The following PIK3R2 variants were observed in gnomAD, a reference collection of about 807,000 sequenced individuals.
PIK3R2 encodes phosphoinositide-3-kinase regulatory subunit 2, also known as phosphatidylinositol 3-kinase regulatory subunit beta.
PIK3R2 carries 40 observed loss-of-function variants against 78.5 expected under a neutral mutation model. The observed-to-expected ratio is 0.51, with a 90% confidence interval of 0.40 to 0.66. The LOEUF (loss-of-function observed/expected upper bound fraction) is 0.66, where lower values mean the gene tolerates loss of function less well. PIK3R2 is among the 30% of genes least tolerant of loss of function. The pLI, the probability that PIK3R2 is intolerant of heterozygous loss-of-function variation, is 0.00. For missense variants in PIK3R2, 880 were observed against 1,026.6 expected, an observed-to-expected ratio of 0.86 and a Z score of 1.95; for synonymous variants, 473 against 457.7, an observed-to-expected ratio of 1.03 and a Z score of -0.43.
rs1166148208 is a variant in PIK3R2 at position 18,169,566 on chromosome 19, G to C, written c.*272G>C. 3.3e-6 allele frequency: 1 copy of C among 307,652 alleles called. No homozygotes were observed. The highest frequency in any genetic ancestry group is 6.0e-6 in the Non-Finnish European group (1 of 166,122). 19.1% of individuals were successfully genotyped at this position (307,652 alleles called of 1,614,324 possible). On this transcript the variant is annotated 3_prime_UTR_variant, in exon 16 of 16. Transcript: ENST00000222254. ...CCCACCCCATATCTACGTGTCCTCC[G>C]GGCATTGCCCTCTCCATGGCTCTGG... is the stretch of plus-strand genomic sequence containing the variant.
In PIK3R2 at chr19:18,162,297, G is replaced by A. The variant is rs1357868461; in HGVS notation, c.997G>A (p.Gly333Arg). 1 of 1,607,872 alleles carries A rather than the reference G, an allele frequency of 6.2e-7. No individual in the cohort carries two copies. The highest frequency in any genetic ancestry group is 1.3e-5 in the African/African-American group (1 of 74,808). The change falls in exon 8 of 16, where the codon GGG becomes AGG. Residue 333 changes from glycine (G) to arginine (R), a missense_variant. Transcript: ENST00000222254. Reference protein sequence around the residue: ...PSLQDAEWYWGDISREEVNEK... With the variant: ...PSLQDAEWYWRDISREEVNEK... ...CCTGCAGGATGCTGAGTGGTACTGG[G>A]GGGACATTTCAAGGTAGGTTGCTGG...
rs754971694 is a variant in PIK3R2, at chr19:18,163,145, C to G, written c.1288C>G (p.Gln430Glu). Residue 430 changes from glutamine to glutamate, a missense_variant and splice_region_variant, in exon 10 of 16, where the codon CAG (glutamine) becomes GAG (glutamate). Around this residue, in one of 3 missense-constraint regions of PIK3R2, gnomAD observed 156 missense variants for 241.0 expected, o/e 0.65. Transcript: ENST00000222254. ...CCTCTACCCTGTGTCCAAATACCAG[C>G]AGGTCCGTGCTGGCCTGGGAGCCAG... Reference protein sequence around the residue: ...RLLYPVSKYQQDQIVKEDSVE... With the variant: ...RLLYPVSKYQEDQIVKEDSVE... 17 of 1,613,880 alleles carry G rather than the reference C, an allele frequency of 1.1e-5. No individual in the cohort carries two copies. The Admixed American group carries it at 1.3e-4, about 13-fold the overall frequency.
At position 18,163,283 on chromosome 19, in the gene PIK3R2, C is replaced by G. The variant is rs757978097; in HGVS notation, c.1311C>G (p.Asp437Glu). ...TCCAGGACCAGATTGTCAAGGAGGA[C>G]AGCGTGGAGGCAGTGGGCGCCCAGC... ...KYQQDQIVKE[D>E]SVEAVGAQLK... Residue 437 changes from aspartate (D) to glutamate (E), a missense_variant, in exon 11 of 16, where the codon GAC becomes GAG. Physicochemically the swap from Asp to Glu is conservative, Grantham distance 45. Coordinates refer to ENST00000222254, the MANE Select transcript of PIK3R2 (RefSeq NM_005027.4). 1.2e-6 allele frequency: 2 copies of G among 1,614,140 alleles called. No homozygotes were observed. The highest frequency in any genetic ancestry group is 2.2e-5 in the South Asian group (2 of 91,076).
chr19:18,156,546 A>C lies in PIK3R2; in HGVS notation c.322+345A>C, dbSNP rs1267078186. On this transcript the variant is annotated intron_variant, in intron 2 of 15. Transcript: ENST00000222254. This position sits in a 1 kb window ranked among gnomAD's most constrained non-coding sequence, Gnocchi z 4.2. Reference sequence around the variant, plus strand: ...AATGGCGGGAACGGCCAGCAGGAGGACCAGAGGGAGGAAGGGGAGGGCAAT... The same window carrying C: ...AATGGCGGGAACGGCCAGCAGGAGGCCCAGAGGGAGGAAGGGGAGGGCAAT... 1.3e-5 allele frequency among the ~76,000 whole-genome samples: 2 copies of C among 152,076 alleles called. No homozygotes were observed. The highest frequency in any genetic ancestry group is 2.9e-5 in the Non-Finnish European group (2 of 68,014).
chr19:18,160,455 C>T lies in PIK3R2; in HGVS notation c.323-16C>T, dbSNP rs1568635215. ...GGAACCCCACCAACATGCAACCCCC[C>T]TGTTTCCCCCACCAGGCCTCACACT... On this transcript the variant is annotated splice_polypyrimidine_tract_variant and intron_variant, in intron 2 of 15. Coordinates refer to ENST00000222254, the MANE Select transcript of PIK3R2 (RefSeq NM_005027.4). 2.6e-6 allele frequency: 4 copies of T among 1,524,140 alleles called. No individual in the cohort carries two copies. Among genetic ancestry groups the T allele is most frequent in the Middle Eastern group, 1.7e-4 (1 of 5,914 alleles). The allele number at this position is 1,524,140 out of a possible 1,614,324, so 94.4% of individuals were successfully genotyped here.
At position 18,161,133 on chromosome 19, in the gene PIK3R2, C is replaced by G; in HGVS notation, c.546C>G (p.Pro182=). 1 of 1,560,152 alleles carries G rather than the reference C, an allele frequency of 6.4e-7. No homozygotes were observed. Among genetic ancestry groups the G allele is most frequent in the Non-Finnish European group, 8.7e-7 (1 of 1,153,004 alleles). ...TTAAGAGCTTCCTGCTGGCACTGCCCGCGCCGCTCGTGACCCCCGAGGCCT... is the reference window on the plus strand; with the variant it reads ...TTAAGAGCTTCCTGCTGGCACTGCCGGCGCCGCTCGTGACCCCCGAGGCCT... ...DGIKSFLLAL[P]APLVTPEASA... Residue 182 remains proline, a synonymous_variant, in exon 5 of 16, where the codon CCC becomes CCG. Transcript: ENST00000222254. The surrounding 1 kb of genome is among the most constrained non-coding windows in gnomAD (Gnocchi z 5.3).
In PIK3R2 at chr19:18,168,555, C is replaced by T. The variant is rs1188840367; in HGVS notation, c.1808+9C>T. On this transcript the variant is annotated intron_variant, in intron 14 of 15. Transcript: ENST00000222254. The surrounding 1 kb of genome is among the most constrained non-coding windows in gnomAD (Gnocchi z 4.1). ...AAAAATGAGACTGAGGAGTGAGTGA[C>T]CGTCTGGAGGGAGGCAGGGAGGGCT... 1.3e-6 allele frequency: 1 copy of T among 781,756 alleles called. No individual in the cohort carries two copies. Among genetic ancestry groups the T allele is most frequent in the Non-Finnish European group, 2.4e-6 (1 of 419,486 alleles). 48.4% of individuals were successfully genotyped at this position (781,756 alleles called of 1,614,324 possible). A position where few individuals can be genotyped will look rare whatever the true frequency, so the allele number is the denominator to read the frequency against.
Position 18,155,782 on chromosome 19 carries a change from C to T in PIK3R2, c.-98C>T. ...AGATAGAGGTCCCAGCACCCCAAGC[C>T]AACCCAGCGGACCCTCCCAGCCCTG... On this transcript the variant is annotated 5_prime_UTR_variant, in exon 2 of 16. Coordinates refer to ENST00000222254, the MANE Select transcript of PIK3R2 (RefSeq NM_005027.4). The T allele has an allele frequency of 8.6e-7, 1 of 1,168,034 alleles. No individual in the cohort carries two copies. The highest frequency in any genetic ancestry group is 1.2e-6 in the Non-Finnish European group (1 of 855,018). 72.4% of individuals were successfully genotyped at this position (1,168,034 alleles called of 1,614,324 possible).
intron 11 of PIK3R2, among the ~76,000 whole-genome samples, chr19:18,163,677 C>G (rs2043776922): frequency 6.6e-6 from 1 of 152,254 alleles, no homozygotes; most frequent in Non-Finnish European, 1.5e-5. Context: ...TAAAAATTAA[C>G]TGGGTGTCGT....
rs551404945 is a variant in PIK3R2, at chr19:18,167,329, C to T, written c.1736+23C>T. 5.2e-6 allele frequency: 8 copies of T among 1,527,650 alleles called. No individual in the cohort carries two copies. The South Asian group carries it at 1.0e-4, about 19-fold the overall frequency. The allele number at this position is 1,527,650 out of a possible 1,614,324, so 94.6% of individuals were successfully genotyped here. ...CGTGTAAGTGGCGGCTCCATACTTC[C>T]CTGCGGCTCCCTGGCGACTGCTGCG... On this transcript the variant is annotated intron_variant, in intron 13 of 15. Transcript: ENST00000222254. The surrounding 1 kb of genome is among the most constrained non-coding windows in gnomAD (Gnocchi z 4.5).
Position 18,168,217 on chromosome 19 carries a change from T to G in PIK3R2, c.1737-258T>G, listed in dbSNP as rs1292850794. Among the ~76,000 whole-genome samples, 1 of 152,122 alleles carries G rather than the reference T, an allele frequency of 6.6e-6. No homozygotes were observed. The highest frequency in any genetic ancestry group is 1.5e-5 in the Non-Finnish European group (1 of 68,012). Reference sequence around the variant, plus strand: ...TGATGATGAGGGGCCTGGGCTGGCATCTTCTTGGGGGACTCCATAGGCGTT... The same window carrying G: ...TGATGATGAGGGGCCTGGGCTGGCAGCTTCTTGGGGGACTCCATAGGCGTT... On this transcript the variant is annotated intron_variant, in intron 13 of 15. Coordinates refer to ENST00000222254, the MANE Select transcript of PIK3R2 (RefSeq NM_005027.4). This position sits in a 1 kb window ranked among gnomAD's most constrained non-coding sequence, Gnocchi z 4.1.
chr19:18,161,453 C>T lies in PIK3R2; in HGVS notation c.773C>T (p.Pro258Leu), dbSNP rs1255802241. Reference sequence around the variant, plus strand: ...TTTGGGCCGCTGCTGCTGCGCGCGCCGCCGCCGCCGTCCTCGCCGCCGCCA... The same window carrying T: ...TTTGGGCCGCTGCTGCTGCGCGCGCTGCCGCCGCCGTCCTCGCCGCCGCCA... ...ATFGPLLLRA[P>L]PPPSSPPPGG... The change falls in exon 6 of 16, where the codon CCG (proline) becomes CTG (leucine). Residue 258 changes from proline to leucine, a missense_variant. By Grantham distance (98) the Pro-to-Leu change is moderately conservative (BLOSUM62 -3). This residue lies in a region of PIK3R2 where 456 missense variants were observed against 486.6 expected (regional missense o/e 0.94). Coordinates refer to ENST00000222254, the MANE Select transcript of PIK3R2 (RefSeq NM_005027.4). The surrounding 1 kb of genome is among the most constrained non-coding windows in gnomAD (Gnocchi z 5.3). 1.7e-6 allele frequency: 2 copies of T among 1,204,574 alleles called. No individual in the cohort carries two copies. The highest frequency in any genetic ancestry group is 8.0e-5 in the South Asian group (2 of 24,918). The allele number at this position is 1,204,574 out of a possible 1,614,324, so 74.6% of individuals were successfully genotyped here.
In PIK3R2 at chr19:18,161,269, C is replaced by G; in HGVS notation, c.599-10C>G. ...GCCTGGCTCACCCTGCCCTGGCCAT[C>G]TGTCCGCAGAGGCCGCGGGGCCCGT... On this transcript the variant is annotated splice_polypyrimidine_tract_variant and intron_variant, in intron 5 of 15. Coordinates refer to ENST00000222254, the MANE Select transcript of PIK3R2 (RefSeq NM_005027.4). This position sits in a 1 kb window ranked among gnomAD's most constrained non-coding sequence, Gnocchi z 5.3. The G allele has an allele frequency of 1.4e-6, 2 of 1,428,874 alleles. No individual in the cohort carries two copies. Among genetic ancestry groups the G allele is most frequent in the Non-Finnish European group, 1.8e-6 (2 of 1,098,772 alleles). 88.5% of individuals were successfully genotyped at this position (1,428,874 alleles called of 1,614,324 possible). A position where few individuals can be genotyped will look rare whatever the true frequency, so the allele number is the denominator to read the frequency against.
chr19:18,168,955 C>A lies in PIK3R2; in HGVS notation c.1979+59C>A, dbSNP rs777941870. ...CCCTCCCAGAGCTCTCATTGAATGCCTGCCGCGTGCCAGGCCTTGGGAAGG... is the reference window on the plus strand; with the variant it reads ...CCCTCCCAGAGCTCTCATTGAATGCATGCCGCGTGCCAGGCCTTGGGAAGG... On this transcript the variant is annotated intron_variant, in intron 15 of 15. Transcript: ENST00000222254. The surrounding 1 kb of genome is among the most constrained non-coding windows in gnomAD (Gnocchi z 4.1). 1.3e-6 allele frequency: 2 copies of A among 1,571,560 alleles called. No individual in the cohort carries two copies. The highest frequency in any genetic ancestry group is 2.7e-5 in the African/African-American group (2 of 73,934).
At chr19:18,158,148 A>G (rs2043698706) in intron 2 of PIK3R2, among the ~76,000 whole-genome samples, 1 of 152,224 alleles carries the variant, frequency 6.6e-6, no homozygotes, top group Admixed American at 6.5e-5. Flanking sequence ...CCAGGCCGGG[A>G]TATTTTTCTT....
At chr19:18,157,379 C>T (rs949537229) in intron 2 of PIK3R2, among the ~76,000 whole-genome samples, 3 of 151,760 alleles carry the variant, frequency 2.0e-5, no homozygotes, top group Non-Finnish European at 4.4e-5. Flanking sequence ...CCACGTGGGG[C>T]GGCTGCCCAG....
chr19:18,164,899 G>A (rs1275309264), intron 11 of PIK3R2, among the ~76,000 whole-genome samples: 1 of 23,034 alleles, frequency 4.3e-5, no homozygotes, highest in African/African-American at 8.7e-5. Flanking sequence ...GCCTCCCAAA[G>A]TTAAAAAAAA....
Position 18,167,130 on chromosome 19 carries a change from G to T in PIK3R2, c.1560G>T (p.Arg520Ser), listed in dbSNP as rs1293969169. ...RREGNEKEMQRILLNSERLKS... is the reference protein window; with the variant it reads ...RREGNEKEMQSILLNSERLKS... ...CTGCGCCACCCCACCCCTCCCACAG[G>T]ATCCTGCTGAACTCCGAGCGGCTCA... The change falls in exon 13 of 16, where the codon AGG (arginine) becomes AGT (serine). Residue 520 changes from arginine (R) to serine (S), a missense_variant and splice_region_variant. Arg to Ser is a moderately radical substitution (Grantham distance 110). Around this residue, in one of 3 missense-constraint regions of PIK3R2, gnomAD observed 268 missense variants for 299.1 expected, o/e 0.90. Transcript: ENST00000222254. The surrounding 1 kb of genome is among the most constrained non-coding windows in gnomAD (Gnocchi z 4.5). 6.4e-7 allele frequency: 1 copy of T among 1,573,526 alleles called. No homozygotes were observed. The highest frequency in any genetic ancestry group is 1.8e-5 in the Admixed American group (1 of 54,542).
intron 2 of PIK3R2, among the ~76,000 whole-genome samples, chr19:18,157,519 T>C (rs2043690078): frequency 6.6e-6 from 1 of 152,180 alleles, no homozygotes; most frequent in Non-Finnish European, 1.5e-5. Flanking sequence ...CTCGGAAATG[T>C]GCTGAAGTCA....
Sources: allele counts gnomAD v4.1 joint callset (sites outside exome capture counted in the v4.1 genomes callset), GRCh38; gene constraint gnomAD v4.1.1; regional missense constraint gnomAD v4.1.1; non-coding constraint Gnocchi (gnomAD v3.1); transcripts MANE v1.5; gene names NCBI Gene and HGNC (gene_info 2026-07-23, HGNC 2026-07-21).